MLLT3: variants seen among roughly 807,000 people sequenced by gnomAD.
MLLT3 encodes protein AF-9.
Under a neutral mutation model 53.2 loss-of-function variants are expected in MLLT3, and 4 were observed. The observed-to-expected ratio is 0.08, with a 90% CI of 0.04 to 0.17. The LOEUF (loss-of-function observed/expected upper bound fraction) is 0.17, where lower values mean the gene tolerates loss of function less well. MLLT3 is among the 10% of genes least tolerant of loss of function. The probability of loss-of-function intolerance (pLI) is 1.00; values close to 1 mark genes in which losing one functional copy is unlikely to be tolerated. For synonymous variants in MLLT3, 283 were observed against 230.6 expected (o/e 1.23, Z -2.06); for missense variants, 569 against 684.0 (o/e 0.83, Z 1.87).
intron 2 of MLLT3, among the ~76,000 whole-genome samples, chr9:20,567,687 G>A (rs1479743310): frequency 6.6e-6 from 1 of 152,176 alleles, no homozygotes; most frequent in African/African-American, 2.4e-5. Flanking sequence ...AATGGTCCCA[G>A]TGACCAAGAC....
At chr9:20,557,991 T>C (rs182015943) in intron 2 of MLLT3, among the ~76,000 whole-genome samples, 2 of 152,324 alleles carry the variant, frequency 1.3e-5, no homozygotes, top group African/African-American at 4.8e-5. Context: ...AGACGATTGA[T>C]ACAGACATCA....
At chr9:20,537,720 A>G (rs1216916239) in intron 2 of MLLT3, among the ~76,000 whole-genome samples, 1 of 152,200 alleles carries the variant, frequency 6.6e-6, no homozygotes, top group African/African-American at 2.4e-5. Flanking sequence ...AAGAAATTTA[A>G]AAGCACTACC....
At chr9:20,361,425 C>G (rs1011266398) in intron 7 of MLLT3, among the ~76,000 whole-genome samples, 2 of 152,098 alleles carry the variant, frequency 1.3e-5, no homozygotes, top group Admixed American at 1.3e-4. Flanking sequence ...AGCCCTGCAC[C>G]GCTGACAGCA....
intron 10 of MLLT3, among the ~76,000 whole-genome samples, chr9:20,350,553 C>T (rs1047068899): frequency 6.9e-6 from 1 of 144,744 alleles, no homozygotes; most frequent in Non-Finnish European, 1.5e-5. Context: ...CGAGATCCCG[C>T]CACTGCACTC....
At chr9:20,464,489 T>C (rs1164024831) in intron 2 of MLLT3, among the ~76,000 whole-genome samples, 3 of 152,050 alleles carry the variant, frequency 2.0e-5, no homozygotes, top group East Asian at 3.9e-4. Flanking sequence ...AACATGCATA[T>C]ATAAAATACT....
intron 2 of MLLT3, among the ~76,000 whole-genome samples, chr9:20,580,366 T>C (rs934451533): frequency 1.3e-5 from 2 of 152,192 alleles, no homozygotes; most frequent in Non-Finnish European, 2.9e-5. Context: ...CTTGACTTTT[T>C]TTTTTTTAAG....
chr9:20,421,536 A>C (rs1196121931), intron 4 of MLLT3, among the ~76,000 whole-genome samples: 2 of 152,200 alleles, frequency 1.3e-5, no homozygotes, highest in African/African-American at 4.8e-5. Context: ...TAATGAAGAA[A>C]GTAAAAGAAA....
At chr9:20,418,086 A>G (rs947671767) in intron 4 of MLLT3, among the ~76,000 whole-genome samples, 3 of 152,234 alleles carry the variant, frequency 2.0e-5, no homozygotes, top group African/African-American at 7.2e-5. Context: ...CTCTCCCAGA[A>G]GAGTTTTACT....
intron 3 of MLLT3, among the ~76,000 whole-genome samples, chr9:20,450,832 T>A (rs962025974): frequency 1.3e-5 from 2 of 152,226 alleles, no homozygotes; most frequent in African/African-American, 4.8e-5. Flanking sequence ...GATGTAACTT[T>A]AGAATTAATT....
intron 2 of MLLT3, among the ~76,000 whole-genome samples, chr9:20,467,998 G>C (rs966293803): frequency 6.6e-6 from 1 of 152,162 alleles, no homozygotes; most frequent in East Asian, 1.9e-4. Context: ...GTGGTCGAGA[G>C]CCAGAGCCTT....
In MLLT3 at chr9:20,391,651, C is replaced by T. The variant is rs76738271; in HGVS notation, c.1125+22070G>A. ...CCTATGTTTATCTGTTCCTGATCCA[C>T]TTTCCGTATTTACCTCTTGTAAATC... On this transcript the variant is annotated intron_variant, in intron 5 of 10. Coordinates refer to ENST00000380338, the MANE Select transcript of MLLT3 (RefSeq NM_004529.4). 8.7e-3 allele frequency among the ~76,000 whole-genome samples: 1,323 copies of T among 152,320 alleles called. 5 individuals carry two copies. The highest frequency in any genetic ancestry group is 0.014 in the Non-Finnish European group (946 of 68,028).
chr9:20,569,527 G>C (rs1819472958), intron 2 of MLLT3, among the ~76,000 whole-genome samples: 1 of 152,100 alleles, frequency 6.6e-6, no homozygotes, highest in African/African-American at 2.4e-5. Flanking sequence ...AAGTCTCAGA[G>C]CTGTTAGAAA....
chr9:20,621,702 A>T lies in MLLT3; in HGVS notation c.12+543T>A. 1 of 1,434,320 alleles carries T rather than the reference A, an allele frequency of 7.0e-7. No individual in the cohort carries two copies. Among genetic ancestry groups the T allele is most frequent in the Non-Finnish European group, 9.3e-7 (1 of 1,080,654 alleles). The allele number at this position is 1,434,320 out of a possible 1,614,324, so 88.8% of individuals were successfully genotyped here. A position where few individuals can be genotyped will look rare whatever the true frequency, so the allele number is the denominator to read the frequency against. On this transcript the variant is annotated intron_variant, in intron 1 of 10. Transcript: ENST00000380338. The surrounding 1 kb of genome is among the most constrained non-coding windows in gnomAD (Gnocchi z 7.0). ...TCAGCACCTCCCGGCGCTGGGGCAA[A>T]GTTGCGTGCGGCCCCGCCGCTGTCA...
chr9:20,365,857 C>T (rs921191008), intron 5 of MLLT3, 113 bp from the exon 6 acceptor site: 12 of 985,342 alleles, frequency 1.2e-5, no homozygotes, highest in South Asian at 3.1e-5. Flanking sequence ...TGATGCATTT[C>T]ATTATGTCAA....
intron 2 of MLLT3, among the ~76,000 whole-genome samples, chr9:20,516,148 C>G (rs1396177586): frequency 6.6e-6 from 1 of 152,204 alleles, no homozygotes; most frequent in Non-Finnish European, 1.5e-5. Context: ...TCTCCTGACT[C>G]CGCTAAGGAC....
intron 5 of MLLT3, among the ~76,000 whole-genome samples, chr9:20,404,085 T>C (rs1822522377): frequency 6.6e-6 from 1 of 152,116 alleles, no homozygotes; most frequent in Non-Finnish European, 1.5e-5. Flanking sequence ...CCTCCCAAAG[T>C]GCCGGGACTA....
intron 2 of MLLT3, among the ~76,000 whole-genome samples, chr9:20,458,537 G>C (rs139750521): frequency 6.6e-6 from 1 of 152,168 alleles, no homozygotes; most frequent in Non-Finnish European, 1.5e-5. Context: ...TCAGGAGGTA[G>C]GAACTTTTGA....
chr9:20,343,399 C>A lies in MLLT3; in HGVS notation c.*3044G>T, dbSNP rs904665903. 1 of 213,846 alleles carries A rather than the reference C, an allele frequency of 4.7e-6. No individual in the cohort carries two copies. The highest frequency in any genetic ancestry group is 9.4e-6 in the Non-Finnish European group (1 of 106,160). The allele number at this position is 213,846 out of a possible 1,614,324, so 13.2% of individuals were successfully genotyped here. On this transcript the variant is annotated 3_prime_UTR_variant, in exon 11 of 11. Coordinates refer to ENST00000380338, the MANE Select transcript of MLLT3 (RefSeq NM_004529.4). The stretch of plus-strand genomic sequence containing the variant: ...CTTCCCTACCTTGACACTATATGAA[C>A]GCATTTATAGACATACCTATTTGTC...
chr9:20,495,286 T>G (rs1825054325), intron 2 of MLLT3, among the ~76,000 whole-genome samples: 1 of 152,170 alleles, frequency 6.6e-6, no homozygotes, highest in African/African-American at 2.4e-5. Flanking sequence ...CCCTGGGAGC[T>G]TGTTGGAACT....
Sources: gnomAD v4.1 joint callset for allele counts (sites outside exome capture counted in the v4.1 genomes callset) on GRCh38, gnomAD v4.1.1 for gene constraint, Gnocchi (gnomAD v3.1) non-coding constraint, MANE v1.5 for transcripts, NCBI Gene and HGNC (gene_info 2026-07-23, HGNC 2026-07-21) for gene names.